RHAG: variants seen among roughly 807,000 people sequenced by gnomAD.
RHAG encodes ammonium transporter Rh type A.
Under a neutral mutation model 42.4 loss-of-function variants are expected in RHAG, and 25 were observed. The observed-to-expected ratio is 0.59, with a 90% confidence interval of 0.43 to 0.82. The LOEUF (loss-of-function observed/expected upper bound fraction) is 0.82. RHAG is among the 40% of genes least tolerant of loss of function. The pLI is 0.00. For missense variants in RHAG, 483 were observed against 504.6 expected, an observed-to-expected ratio of 0.96 and a Z score of 0.41; for synonymous variants, 182 against 177.7, an observed-to-expected ratio of 1.02 and a Z score of -0.19.
At chr6:49,609,166 T>A (rs1191488872) in intron 7 of RHAG, among the ~76,000 whole-genome samples, 1 of 152,208 alleles carries the variant, frequency 6.6e-6, no homozygotes, top group Non-Finnish European at 1.5e-5. Flanking sequence ...CAGTATTTTA[T>A]TTGGTGTGAG....
At position 49,606,843 on chromosome 6, in the gene RHAG, AG is replaced by A. The variant is rs771466295; in HGVS notation, c.1212+4del. 10 of 1,581,588 alleles carry A rather than the reference AG, an allele frequency of 6.3e-6. No individual in the cohort carries two copies. Among genetic ancestry groups the A allele is most frequent in the Non-Finnish European group, 2.6e-6 (3 of 1,150,564 alleles). Reference sequence around the variant, plus strand: ...CACATTCTTGTTTAGAATACTGTACAGTACCTTCCAATAAACAGAATCATCA... The same window carrying A: ...CACATTCTTGTTTAGAATACTGTACATACCTTCCAATAAACAGAATCATCA... On this transcript the variant is annotated splice_donor_region_variant and intron_variant, in intron 9 of 9. Transcript: ENST00000371175.
chr6:49,636,063 CA>C (rs1284365063), intron 1 of RHAG, among the ~76,000 whole-genome samples: 2 of 152,086 alleles, frequency 1.3e-5, no homozygotes, highest in Non-Finnish European at 2.9e-5. Context: ...TCATCATTCC[CA>C]AGGAAGGATT....
intron 1 of RHAG, among the ~76,000 whole-genome samples, chr6:49,623,139 T>C (rs1056989864): frequency 1.3e-5 from 2 of 152,146 alleles, no homozygotes; most frequent in African/African-American, 4.8e-5. Context: ...CGCCCGGCCA[T>C]TGAGACATTT....
chr6:49,607,912 T>A (rs79959971), intron 7 of RHAG, among the ~76,000 whole-genome samples: 5 of 152,110 alleles, frequency 3.3e-5, no homozygotes, highest in African/African-American at 1.2e-4. Context: ...AATAAGAGTT[T>A]TTTTGGTCTT....
rs756129341 is a variant in RHAG at position 49,614,766 on chromosome 6, G to A, written c.728C>T (p.Thr243Met). 3 of 1,614,084 alleles carry A rather than the reference G, an allele frequency of 1.9e-6. No homozygotes were observed. The highest frequency in any genetic ancestry group is 1.3e-5 in the African/African-American group (1 of 74,998). The change falls in exon 5 of 10, where the codon ACG (threonine) becomes ATG (methionine). Residue 243 changes from threonine (T) to methionine (M), a missense_variant. Coordinates refer to ENST00000371175, the MANE Select transcript of RHAG (RefSeq NM_000324.3). ...GDKQCRAIVNTYFSLAACVLT... is the reference protein window; with the variant it reads ...GDKQCRAIVNMYFSLAACVLT... ...CACACAGGCAGCGAGAGAGAAGTAC[G>A]TGTTTACAATGGCCCTGCACTGTTT...
In RHAG at chr6:49,619,129, A is replaced by G. The variant is rs764663642; in HGVS notation, c.341+50T>C. 7 of 1,589,176 alleles carry G rather than the reference A, an allele frequency of 4.4e-6. No homozygotes were observed. The South Asian group carries it at 4.4e-5, about 10-fold the overall frequency. On this transcript the variant is annotated intron_variant, in intron 2 of 9. Transcript: ENST00000371175. ...TCATGTTGGAGGTTAAGAGTGTAAT[A>G]TATGAATTCTGGAGGATGCAAACAT...
intron 1 of RHAG, chr6:49,631,974 G>C (rs532529803): frequency 1.3e-5 from 2 of 152,296 alleles, no homozygotes; most frequent in East Asian, 3.9e-4. Flanking sequence ...GATTTCGAGT[G>C]ATGTGTAGAT....
Position 49,605,827 on chromosome 6 carries a change from G to A in RHAG, c.1216C>T (p.Pro406Ser), listed in dbSNP as rs1774152677. 1 of 1,612,944 alleles carries A rather than the reference G, an allele frequency of 6.2e-7. No homozygotes were observed. The highest frequency in any genetic ancestry group is 8.5e-7 in the Non-Finnish European group (1 of 1,179,114). ...CYDDSVYWKV[P>S]KTR The stretch of plus-strand genomic sequence containing the variant: ...TGATTGTCAAGTTATCTCGTCTTAG[G>A]GACCTTTAAAAAAACAAGTTTGAGG... The change falls in exon 10 of 10, where the codon CCT (proline) becomes TCT (serine). Residue 406 changes from proline (P) to serine (S), a missense_variant. By Grantham distance (74) the Pro-to-Ser change is moderately conservative. Coordinates refer to ENST00000371175, the MANE Select transcript of RHAG (RefSeq NM_000324.3).
chr6:49,609,840 C>T (rs1224581366), intron 7 of RHAG, among the ~76,000 whole-genome samples: 1 of 152,172 alleles, frequency 6.6e-6, no homozygotes, highest in African/African-American at 2.4e-5. Flanking sequence ...TTTCCCTCTT[C>T]TTCATGCTTT....
chr6:49,633,049 T>C (rs1182288806), intron 1 of RHAG, among the ~76,000 whole-genome samples: 1 of 152,208 alleles, frequency 6.6e-6, no homozygotes, highest in East Asian at 1.9e-4. Flanking sequence ...TACGGTTGTG[T>C]GCAAACCCAA....
At chr6:49,632,569 T>G (rs996506396) in intron 1 of RHAG, among the ~76,000 whole-genome samples, 7 of 152,146 alleles carry the variant, frequency 4.6e-5, no homozygotes, top group Non-Finnish European at 1.0e-4. Flanking sequence ...TATGTCAACA[T>G]TTGGAAGACC....
At chr6:49,628,447 T>G (rs1188135395) in intron 1 of RHAG, among the ~76,000 whole-genome samples, 4 of 152,154 alleles carry the variant, frequency 2.6e-5, no homozygotes, top group Non-Finnish European at 5.9e-5. Flanking sequence ...TTGGTCTCAC[T>G]GACTTCAAGA....
At chr6:49,615,920 A>G (rs1762644890) in intron 3 of RHAG, 149 bp from the exon 4 acceptor site, 2 of 768,458 alleles carry the variant, frequency 2.6e-6, no homozygotes, top group South Asian at 3.1e-5. Context: ...AGGGGGGTAA[A>G]ACAGGGAGTA....
intron 3 of RHAG, among the ~76,000 whole-genome samples, chr6:49,616,155 G>A (rs530321194): frequency 6.6e-6 from 1 of 152,108 alleles, no homozygotes; most frequent in African/African-American, 2.4e-5. Flanking sequence ...GACATGCAAG[G>A]TTGCTTCTCT....
At chr6:49,621,304 A>G (rs1037547556) in intron 1 of RHAG, among the ~76,000 whole-genome samples, 1 of 152,186 alleles carries the variant, frequency 6.6e-6, no homozygotes, top group Non-Finnish European at 1.5e-5. Flanking sequence ...CTCTCTGGAA[A>G]ATGCTCTTCT....
intron 1 of RHAG, among the ~76,000 whole-genome samples, chr6:49,625,322 C>T (rs1762828509): frequency 6.6e-6 from 1 of 152,180 alleles, no homozygotes; most frequent in Non-Finnish European, 1.5e-5. Context: ...TCTGACTAAG[C>T]TCTTTCATTT....
intron 1 of RHAG, among the ~76,000 whole-genome samples, chr6:49,621,328 A>G (rs780620250): frequency 6.6e-6 from 1 of 152,182 alleles, no homozygotes; most frequent in Non-Finnish European, 1.5e-5. Context: ...GCTCAAGATC[A>G]TAGCTCTTCC....
chr6:49,622,547 C>T (rs984790989), intron 1 of RHAG, among the ~76,000 whole-genome samples: 2 of 152,042 alleles, frequency 1.3e-5, no homozygotes, highest in Admixed American at 6.6e-5. Flanking sequence ...TCTGCACAAG[C>T]TCTCTCTTTG....
intron 1 of RHAG, among the ~76,000 whole-genome samples, chr6:49,626,456 C>CA (rs1161480010): frequency 6.6e-6 from 1 of 152,220 alleles, no homozygotes; most frequent in Non-Finnish European, 1.5e-5. Context: ...ATCCAGGTCA[C>CA]ACTGATGCAA....
Sources: allele counts gnomAD v4.1 joint callset (sites outside exome capture counted in the v4.1 genomes callset), GRCh38; gene constraint gnomAD v4.1.1; transcripts MANE v1.5; gene names NCBI Gene and HGNC (gene_info 2026-07-23, HGNC 2026-07-21).